Variants in PLA2G6 observed in about 807,000 individuals in gnomAD.
PLA2G6 encodes phospholipase A2 group VI.
Under a neutral mutation model 83.8 loss-of-function variants are expected in PLA2G6, and 62 were observed. The ratio of observed to expected loss-of-function variants is 0.74; its 90% CI spans 0.60 to 0.91. The LOEUF (loss-of-function observed/expected upper bound fraction) is 0.91. Ranked by LOEUF, PLA2G6 falls within the 40% of genes least tolerant of loss-of-function variation. The probability of loss-of-function intolerance (pLI) is 0.00; values close to 1 mark genes in which losing one functional copy is unlikely to be tolerated. For synonymous variants in PLA2G6, 417 were observed against 449.8 expected (o/e 0.93, Z 0.92); for missense variants, 944 against 1,102.0 (o/e 0.86, Z 2.03).
chr22:38,136,656 G>A (rs1602148233), intron 5 of PLA2G6: 1 of 130,300 alleles, frequency 7.7e-6, no homozygotes, highest in Non-Finnish European at 1.5e-5. Flanking sequence ...TATCACAGTT[G>A]GAAAAAATAA....
At chr22:38,156,717 C>A (rs139447537) in intron 2 of PLA2G6, among the ~76,000 whole-genome samples, 2 of 152,042 alleles carry the variant, frequency 1.3e-5, no homozygotes, top group African/African-American at 4.8e-5. Flanking sequence ...CCTCCCAAAG[C>A]GCTGGGATTA....
chr22:38,141,847 C>T (rs560313691), intron 4 of PLA2G6: 1 of 152,054 alleles, frequency 6.6e-6, no homozygotes, highest in South Asian at 2.1e-4. Context: ...AAGTGGAGTT[C>T]AACAGTGGGT....
chr22:38,120,462 C>A (rs901207992), intron 12 of PLA2G6, among the ~76,000 whole-genome samples: 1 of 151,716 alleles, frequency 6.6e-6, no homozygotes, highest in Non-Finnish European at 1.5e-5. Flanking sequence ...GACCCCTGGC[C>A]GGGCAGGGCA....
chr22:38,124,316 G>C (rs1471936089), intron 10 of PLA2G6, among the ~76,000 whole-genome samples: 1 of 152,130 alleles, frequency 6.6e-6, no homozygotes, highest in Non-Finnish European at 1.5e-5. Flanking sequence ...TTTGAGTGAC[G>C]GAGGGAGTGT....
chr22:38,114,421 A>C (rs1602060846), intron 14 of PLA2G6, among the ~76,000 whole-genome samples: 2 of 152,182 alleles, frequency 1.3e-5, no homozygotes, highest in East Asian at 3.9e-4. Context: ...TCCTGACCTC[A>C]TGATCCACTT....
Position 38,129,467 on chromosome 22 carries a change from G to C in PLA2G6, c.1173C>G (p.Ser391=). The part of the protein sequence containing the change: ...DFGETPTFLA[S]KIGRLVTRKA... ...CAGAGCACATACGTCTGCCGATTTT[G>C]GAGGCTAGGAATGTAGGAGTCTCCC... The change falls in exon 8 of 17, where the codon TCC becomes TCG. Residue 391 remains serine (S), a synonymous_variant. Transcript: ENST00000332509. The C allele has an allele frequency of 6.2e-7, 1 of 1,611,330 alleles. No homozygotes were observed. Among genetic ancestry groups the C allele is most frequent in the Non-Finnish European group, 8.5e-7 (1 of 1,177,474 alleles).
At chr22:38,167,718 C>T (rs2090274721) in intron 2 of PLA2G6, among the ~76,000 whole-genome samples, 1 of 152,234 alleles carries the variant, frequency 6.6e-6, no homozygotes, top group African/African-American at 2.4e-5. Context: ...GGTGCCTCTG[C>T]CTCAGGTTCC....
At chr22:38,137,608 TA>T (rs1312677180) in intron 5 of PLA2G6, 4 of 152,148 alleles carry the variant, frequency 2.6e-5, no homozygotes, top group African/African-American at 9.7e-5. Context: ...GCGAGGCAAG[TA>T]GATCACCTGA....
At chr22:38,116,851 CAAAAAAAAAAAAA>C (rs57712042) in intron 12 of PLA2G6, among the ~76,000 whole-genome samples, 1 of 37,644 alleles carries the variant, frequency 2.7e-5, no homozygotes, top group Non-Finnish European at 5.0e-5. Context: ...AACTCCGTCT[CAAAAAAAAAAAAA>C]AAAAAAAAAA....
intron 12 of PLA2G6, among the ~76,000 whole-genome samples, chr22:38,118,364 T>C (rs778307042): frequency 7.9e-5 from 12 of 152,196 alleles, no homozygotes; most frequent in Non-Finnish European, 1.8e-4. Flanking sequence ...ATTTGTTACA[T>C]GGGTATACGC....
At chr22:38,117,395 G>C (rs1052939373) in intron 12 of PLA2G6, among the ~76,000 whole-genome samples, 1 of 152,034 alleles carries the variant, frequency 6.6e-6, no homozygotes, top group Non-Finnish European at 1.5e-5. Flanking sequence ...TTTTAGTAGA[G>C]ATGGGGTTTC....
At chr22:38,148,202 G>T (rs1387428561) in intron 2 of PLA2G6, 6 of 358,736 alleles carry the variant, frequency 1.7e-5, no homozygotes, top group Non-Finnish European at 2.6e-5. Context: ...ATTAAAGTGG[G>T]TTTAAGGACA....
intron 2 of PLA2G6, among the ~76,000 whole-genome samples, chr22:38,167,089 G>A (rs1206487197): frequency 1.3e-5 from 2 of 152,018 alleles, no homozygotes; most frequent in East Asian, 1.9e-4. Context: ...TTAGCCAGGC[G>A]TGGTGGCGGG....
chr22:38,122,081 C>CT (rs1352393362), intron 11 of PLA2G6, among the ~76,000 whole-genome samples: 2 of 152,174 alleles, frequency 1.3e-5, no homozygotes, highest in Admixed American at 1.3e-4. Context: ...CCATGGGACT[C>CT]TGTCCCCAGC....
At chr22:38,124,574 C>T (rs1470430626) in intron 10 of PLA2G6, among the ~76,000 whole-genome samples, 10 of 152,126 alleles carry the variant, frequency 6.6e-5, no homozygotes, top group African/African-American at 2.4e-4. Flanking sequence ...CTGATGCCAT[C>T]GAGACCCTCC....
chr22:38,142,250 T>C (rs555979327), intron 4 of PLA2G6: 4 of 150,920 alleles, frequency 2.7e-5, no homozygotes, highest in Admixed American at 2.0e-4. Context: ...TATAACGTAG[T>C]TGCATTCTGA....
At chr22:38,176,941 G>C (rs951610627) in intron 1 of PLA2G6, among the ~76,000 whole-genome samples, 1 of 151,826 alleles carries the variant, frequency 6.6e-6, no homozygotes, top group Non-Finnish European at 1.5e-5. Flanking sequence ...AGCTACTTGG[G>C]AGGCTGAAGC....
intron 6 of PLA2G6, 94 bp downstream of exon 6, chr22:38,134,894 C>T (rs1009566242): frequency 3.6e-6 from 3 of 833,468 alleles, no homozygotes; most frequent in Admixed American, 2.0e-5. Flanking sequence ...AAGTGCTAGC[C>T]TCAGGGTCCT....
At chr22:38,124,971 G>T (rs2087748529) in intron 10 of PLA2G6, among the ~76,000 whole-genome samples, 1 of 152,192 alleles carries the variant, frequency 6.6e-6, no homozygotes, top group East Asian at 1.9e-4. Flanking sequence ...CTACCGAGGG[G>T]TCTCCTGACT....
Sources: allele counts gnomAD v4.1 joint callset (sites outside exome capture counted in the v4.1 genomes callset), GRCh38; gene constraint gnomAD v4.1.1; transcripts MANE v1.5; gene names NCBI Gene and HGNC (gene_info 2026-07-23, HGNC 2026-07-21).